Variants in ATP1A3 observed in about 807,000 individuals in gnomAD.
ATP1A3 encodes the protein sodium/potassium-transporting ATPase subunit alpha-3.
Under a neutral mutation model 108.8 loss-of-function variants are expected in ATP1A3, and 12 were observed. The observed-to-expected ratio is 0.11, with a 90% confidence interval of 0.07 to 0.18. The LOEUF (loss-of-function observed/expected upper bound fraction) is 0.18, where lower values mean the gene tolerates loss of function less well. ATP1A3 is among the 10% of genes least tolerant of loss of function. The pLI is 1.00. For missense variants in ATP1A3, 498 were observed against 1,387.7 expected, an observed-to-expected ratio of 0.36 and a Z score of 10.19; for synonymous variants, 539 against 564.5, an observed-to-expected ratio of 0.95 and a Z score of 0.64.
intron 14 of ATP1A3, among the ~76,000 whole-genome samples, chr19:41,977,386 G>T (rs758219777): frequency 1.3e-5 from 2 of 151,984 alleles, no homozygotes; most frequent in African/African-American, 2.4e-5. Flanking sequence ...GCTTGTGAGC[G>T]GTATAAGCTG....
intron 1 of ATP1A3, chr19:41,993,260 G>A (rs1450487516): frequency 1.1e-6 from 1 of 871,580 alleles, no homozygotes; most frequent in Non-Finnish European, 1.8e-6. Context: ...AGGGAGGGAG[G>A]CGGCATCTGC....
intron 1 of ATP1A3, chr19:41,993,357 C>T (rs1369015238): frequency 1.3e-6 from 2 of 1,528,094 alleles, no homozygotes; most frequent in Non-Finnish European, 1.8e-6. Context: ...CACAGTTGCA[C>T]ACGCACACCC....
chr19:41,994,124 C>CGGGGCGGGCTCAGGCTCAGGCTT lies in ATP1A3; in HGVS notation c.-71_-49dup. 1 of 1,544,224 alleles carries CGGGGCGGGCTCAGGCTCAGGCTT rather than the reference C, an allele frequency of 6.5e-7. No individual in the cohort carries two copies. On this transcript the variant is annotated 5_prime_UTR_variant, in exon 1 of 23. Coordinates refer to ENST00000648268, the MANE Select transcript of ATP1A3 (RefSeq NM_152296.5). ...AGCCAGGCGGGCGGGGCGGGGACCT[C>CGGGGCGGGCTCAGGCTCAGGCTT]GGGGCGGGCTCAGGCTCAGGCTTGG...
intron 16 of ATP1A3, among the ~76,000 whole-genome samples, 190 bp from the exon 17 acceptor site, chr19:41,970,732 C>T (rs1406459534): frequency 6.7e-5 from 10 of 149,480 alleles, no homozygotes; most frequent in Admixed American, 3.3e-4. Flanking sequence ...CCCGGGTTCA[C>T]GCCATTCTCC....
At chr19:41,979,927 T>C (rs540538537) in intron 11 of ATP1A3, among the ~76,000 whole-genome samples, 5 of 152,354 alleles carry the variant, frequency 3.3e-5, no homozygotes, top group African/African-American at 9.6e-5. Flanking sequence ...CCCTGGAGGC[T>C]TGTGTGCTCC....
intron 14 of ATP1A3, among the ~76,000 whole-genome samples, chr19:41,977,385 C>T (rs1045432626): frequency 2.0e-5 from 3 of 151,876 alleles, no homozygotes; most frequent in African/African-American, 7.3e-5. Flanking sequence ...AGCTTGTGAG[C>T]GGTATAAGCT....
In ATP1A3 at chr19:41,970,195, G is replaced by A. The variant is rs782485793; in HGVS notation, c.2532C>T (p.Tyr844=). ...TCCCCGGTGCCTCACCAATCTGCCCGTAGGCCATGCTGATGAGTCTCTCAT... is the reference window on the plus strand; with the variant it reads ...TCCCCGGTGCCTCACCAATCTGCCCATAGGCCATGCTGATGAGTCTCTCAT... ...LVNERLISMA[Y]GQIGMIQALG... Residue 844 remains tyrosine, a synonymous_variant, in exon 18 of 23, where the codon TAC becomes TAT. Transcript: ENST00000648268. 30 of 1,614,224 alleles carry A rather than the reference G, an allele frequency of 1.9e-5. No homozygotes were observed. Among genetic ancestry groups the A allele is most frequent in the Middle Eastern group, 3.3e-4 (2 of 6,062 alleles).
In ATP1A3 at chr19:41,966,650, G is replaced by T; in HGVS notation, c.*287C>A. 6.6e-7 allele frequency: 1 copy of T among 1,515,926 alleles called. No homozygotes were observed. The highest frequency in any genetic ancestry group is 2.0e-5 in the Admixed American group (1 of 49,704). 93.9% of individuals were successfully genotyped at this position (1,515,926 alleles called of 1,614,324 possible). On this transcript the variant is annotated 3_prime_UTR_variant, in exon 23 of 23. Transcript: ENST00000648268. ...AGATGGCATCAGCCGGGGGGCTGAAGGGGAGTAAAAAAGAGCCCAGGGAGG... is the reference window on the plus strand; with the variant it reads ...AGATGGCATCAGCCGGGGGGCTGAATGGGAGTAAAAAAGAGCCCAGGGAGG...
In ATP1A3 at chr19:41,977,988, C is replaced by A; in HGVS notation, c.1891G>T (p.Val631Leu). 1 of 1,614,270 alleles carries A rather than the reference C, an allele frequency of 6.2e-7. No homozygotes were observed. Among genetic ancestry groups the A allele is most frequent in the Non-Finnish European group, 8.5e-7 (1 of 1,180,044 alleles). Residue 631 changes from valine to leucine, a missense_variant, in exon 14 of 23, where the codon GTG becomes TTG. Val to Leu is a conservative substitution (Grantham distance 32). Transcript: ENST00000648268. The part of the protein sequence containing the change: ...VGIISEGNET[V>L]EDIAARLNIP... ...TTGAGCCGGGCGGCGATGTCCTCCA[C>A]AGTCTCGTTGCCCTCAGAGATGATG... is the stretch of plus-strand genomic sequence containing the variant.
intron 16 of ATP1A3, among the ~76,000 whole-genome samples, chr19:41,971,083 C>T (rs528785209): frequency 6.6e-6 from 1 of 152,200 alleles, no homozygotes; most frequent in South Asian, 2.1e-4. Flanking sequence ...CCTGCCTCAG[C>T]CTCCCATGTA....
chr19:41,979,925 G>C (rs1555862754), intron 11 of ATP1A3, among the ~76,000 whole-genome samples: 1 of 152,198 alleles, frequency 6.6e-6, no homozygotes. Context: ...CCCCCTGGAG[G>C]CTTGTGTGCT....
At position 41,967,697 on chromosome 19, in the gene ATP1A3, G is replaced by C. The variant is rs141412861; in HGVS notation, c.2886C>G (p.Pro962=). The change falls in exon 21 of 23, where the codon CCC becomes CCG. Residue 962 remains proline, a synonymous_variant. Coordinates refer to ENST00000648268, the MANE Select transcript of ATP1A3 (RefSeq NM_152296.5). This position sits in a 1 kb window ranked among gnomAD's most constrained non-coding sequence, Gnocchi z 4.2. ...ACATGCGCAGGGCCACGTCCATGCCGGGGCAGTAGGACAGGAAGGCAGCCA... is the reference window on the plus strand; with the variant it reads ...ACATGCGCAGGGCCACGTCCATGCCCGGGCAGTAGGACAGGAAGGCAGCCA... ...TALAAFLSYC[P]GMDVALRMYP... 1 of 1,614,054 alleles carries C rather than the reference G, an allele frequency of 6.2e-7. No homozygotes were observed. Among genetic ancestry groups the C allele is most frequent in the East Asian group, 2.2e-5 (1 of 44,872 alleles).
intron 1 of ATP1A3, among the ~76,000 whole-genome samples, chr19:41,990,343 TTCTCTC>T (rs1159229739): frequency 7.6e-6 from 1 of 131,130 alleles, no homozygotes; most frequent in Non-Finnish European, 1.7e-5. Flanking sequence ...CTCTTTCTCT[TTCTCTC>T]TCTCTCTCTC....
Position 41,974,398 on chromosome 19 carries a change from G to A in ATP1A3, c.2263+1231C>T, listed in dbSNP as rs913520739. On this transcript the variant is annotated intron_variant, in intron 16 of 22. Coordinates refer to ENST00000648268, the MANE Select transcript of ATP1A3 (RefSeq NM_152296.5). ...GTGGAGGCTGCAGTTAGCCGTGATT[G>A]TGCCACTGCACTCCATCCTGGGTGA... Among the ~76,000 whole-genome samples, 8 of 152,134 alleles carry A rather than the reference G, an allele frequency of 5.3e-5. No homozygotes were observed. In the East Asian group the frequency reaches 1.5e-3, roughly 29 times the overall value.
chr19:41,988,182 C>G lies in ATP1A3; in HGVS notation c.154-43G>C. ...CACACAGAACCCTCCCTGGGCAACC[C>G]TGGCACCCCAGGCCTTCACCAGACC... On this transcript the variant is annotated intron_variant, in intron 3 of 22. Coordinates refer to ENST00000648268, the MANE Select transcript of ATP1A3 (RefSeq NM_152296.5). The surrounding 1 kb of genome is among the most constrained non-coding windows in gnomAD (Gnocchi z 5.3). 6.2e-7 allele frequency: 1 copy of G among 1,613,498 alleles called. No individual in the cohort carries two copies. The highest frequency in any genetic ancestry group is 8.5e-7 in the Non-Finnish European group (1 of 1,179,474).
chr19:41,975,303 A>G (rs2075154410), intron 16 of ATP1A3, among the ~76,000 whole-genome samples: 1 of 152,146 alleles, frequency 6.6e-6, no homozygotes, highest in Non-Finnish European at 1.5e-5. Context: ...TGCCTGCTTC[A>G]GCCTTCCAAA....
rs1256127811 is a variant in ATP1A3 at position 41,969,508 on chromosome 19, T to C, written c.2615A>G (p.Asn872Ser). Reference protein sequence around the residue: ...ILAENGFLPGNLVGIRLNWDD... With the variant: ...ILAENGFLPGSLVGIRLNWDD... ...CCAGTTCAGCCGGATGCCCACCAGG[T>C]TGCCGGGCAAGAAGCCATTTTCTGC... The change falls in exon 19 of 23, where the codon AAC (asparagine) becomes AGC (serine). Residue 872 changes from asparagine to serine, a missense_variant. Asn to Ser is a conservative substitution (Grantham distance 46, BLOSUM62 1). Around this residue, in one of 9 missense-constraint regions of ATP1A3, gnomAD observed 121 missense variants for 425.1 expected, o/e 0.28. Transcript: ENST00000648268. The C allele has an allele frequency of 6.2e-7, 1 of 1,613,974 alleles. No homozygotes were observed. The highest frequency in any genetic ancestry group is 2.2e-5 in the East Asian group (1 of 44,860).
chr19:41,994,050 C>T, intron 1 of ATP1A3, 21 bp downstream of exon 1: 2 of 1,609,584 alleles, frequency 1.2e-6, no homozygotes, highest in Non-Finnish European at 1.7e-6. Context: ...GGAAGCGGCG[C>T]CCAGCCGGCT....
At chr19:41,973,272 A>T (rs1184812748) in intron 16 of ATP1A3, among the ~76,000 whole-genome samples, 1 of 152,070 alleles carries the variant, frequency 6.6e-6, no homozygotes, top group Non-Finnish European at 1.5e-5. Context: ...TTTGTTTGAG[A>T]CAGGGTCTCG....
Sources: allele counts gnomAD v4.1 joint callset (sites outside exome capture counted in the v4.1 genomes callset), GRCh38; gene constraint gnomAD v4.1.1; regional missense constraint gnomAD v4.1.1; non-coding constraint Gnocchi (gnomAD v3.1); transcripts MANE v1.5; gene names NCBI Gene and HGNC (gene_info 2026-07-23, HGNC 2026-07-21).